SASH1: variants seen among roughly 807,000 people sequenced by gnomAD.
The protein encoded by SASH1 is SAM and SH3 domain-containing protein 1.
In SASH1, 44 loss-of-function variants were observed where a neutral mutation model predicts 125.2. The observed-to-expected ratio is 0.35, with a 90% CI of 0.28 to 0.45. The LOEUF (loss-of-function observed/expected upper bound fraction) is 0.45. Among genes scored for constraint, SASH1 ranks in the 20% least tolerant of loss-of-function variants. The pLI is 1.00. For synonymous variants in SASH1, 639 were observed against 649.1 expected (o/e 0.98, Z 0.24); for missense variants, 1,426 against 1,614.5 (o/e 0.88, Z 2.00).
intron 1 of SASH1, among the ~76,000 whole-genome samples, chr6:148,353,054 T>C (rs968555216): frequency 1.2e-4 from 19 of 152,118 alleles, no homozygotes; most frequent in African/African-American, 4.3e-4. Context: ...ATCTTTATTT[T>C]AATCTTTTTA....
chr6:148,549,401 A>ATGTG lies in SASH1; in HGVS notation c.*848_*851dup, dbSNP rs759515076. The ATGTG allele has an allele frequency of 5.2e-6, 2 of 386,036 alleles. No individual in the cohort carries two copies. Among genetic ancestry groups the ATGTG allele is most frequent in the Non-Finnish European group, 9.2e-6 (2 of 218,202 alleles). The allele number at this position is 386,036 out of a possible 1,614,324, so 23.9% of individuals were successfully genotyped here. On this transcript the variant is annotated 3_prime_UTR_variant, in exon 20 of 20. Transcript: ENST00000367467. ...AAGCTATCTGAAATTCACAAATATCATGTGTGTGCGTGCGTGCGTGCGCGT... is the reference window on the plus strand; with the variant it reads ...AAGCTATCTGAAATTCACAAATATCATGTGTGTGTGTGCGTGCGTGCGTGCGCGT...
At chr6:148,504,968 T>G (rs1459897004) in intron 8 of SASH1, among the ~76,000 whole-genome samples, 1 of 152,174 alleles carries the variant, frequency 6.6e-6, no homozygotes, top group African/African-American at 2.4e-5. Flanking sequence ...GGGGAAGTAC[T>G]GGGGATGTAT....
chr6:148,398,510 C>T (rs2114858823), intron 2 of SASH1, among the ~76,000 whole-genome samples: 1 of 152,270 alleles, frequency 6.6e-6, no homozygotes, highest in South Asian at 2.1e-4. Context: ...TCTACAAGGT[C>T]ACCATTGTTT....
chr6:148,404,965 T>C (rs949688106), intron 2 of SASH1, among the ~76,000 whole-genome samples: 10 of 151,712 alleles, frequency 6.6e-5, no homozygotes, highest in Admixed American at 5.9e-4. Context: ...GAAAAAATAA[T>C]AATGCAGTGT....
At chr6:148,223,842 C>T in the SASH1 span, among the ~76,000 whole-genome samples, 521 of 152,304 alleles carry the variant, frequency 3.4e-3, 4 homozygotes, top group African/African-American at 0.012. Context: ...ACCCACAAAA[C>T]ATTCTTGTTG....
chr6:148,378,648 G>A (rs900451098), intron 1 of SASH1, among the ~76,000 whole-genome samples: 1 of 152,190 alleles, frequency 6.6e-6, no homozygotes, highest in Non-Finnish European at 1.5e-5. Context: ...CACCGTGCCT[G>A]GTTGATAATT....
chr6:148,524,121 A>ATATATATATATATATATATAT (rs1193506716), intron 10 of SASH1, among the ~76,000 whole-genome samples: 7 of 128,606 alleles, frequency 5.4e-5, no homozygotes, highest in Non-Finnish European at 1.2e-4. Flanking sequence ...ATATATATAT[A>ATATATATATATATATATATAT]TTTTTTTTAA....
intron 4 of SASH1, among the ~76,000 whole-genome samples, chr6:148,451,634 AAAAG>A (rs1402776748): frequency 1.3e-5 from 2 of 152,296 alleles, no homozygotes; most frequent in Non-Finnish European, 2.9e-5. Context: ...CCAGTCTCTT[AAAAG>A]AAAGAAAGGA....
intron 2 of SASH1, among the ~76,000 whole-genome samples, chr6:148,436,531 A>G (rs886839976): frequency 6.6e-6 from 1 of 152,092 alleles, no homozygotes; most frequent in Non-Finnish European, 1.5e-5. Flanking sequence ...ATAAAAATTA[A>G]AAAAAACAAA....
At chr6:148,326,327 T>TATATATATATATATATGC (rs1780799952) in intron 1 of SASH1, among the ~76,000 whole-genome samples, 2 of 60,574 alleles carry the variant, frequency 3.3e-5, no homozygotes, top group Non-Finnish European at 6.2e-5. Context: ...CGCATGCATA[T>TATATATATATATATATGC]ATATATATAT....
intron 1 of SASH1, among the ~76,000 whole-genome samples, chr6:148,296,985 G>A (rs1277974651): frequency 6.6e-6 from 1 of 152,216 alleles, no homozygotes; most frequent in Non-Finnish European, 1.5e-5. Context: ...TCAGCATGAG[G>A]TTAACCTAAG....
chr6:148,327,939 T>TA (rs569288406), intron 1 of SASH1, among the ~76,000 whole-genome samples: 92 of 121,270 alleles, frequency 7.6e-4, no homozygotes, highest in South Asian at 1.1e-3. Flanking sequence ...AGACTCTGTC[T>TA]AAAAAAAAAA....
At chr6:148,454,564 G>T (rs539026798) in intron 4 of SASH1, among the ~76,000 whole-genome samples, 1 of 152,278 alleles carries the variant, frequency 6.6e-6, no homozygotes, top group South Asian at 2.1e-4. Context: ...TGGAAGAAAG[G>T]GTGTGCGAAA....
the SASH1 span, among the ~76,000 whole-genome samples, chr6:148,221,368 A>G: frequency 2.0e-5 from 3 of 152,230 alleles, no homozygotes; most frequent in Admixed American, 1.3e-4. Flanking sequence ...GAGCTTGCTT[A>G]GTACTGAATT....
At chr6:148,232,208 T>A in the SASH1 span, among the ~76,000 whole-genome samples, 1 of 152,162 alleles carries the variant, frequency 6.6e-6, no homozygotes, top group Non-Finnish European at 1.5e-5. Flanking sequence ...TGTCATTGAC[T>A]AAGAGTATGT....
At chr6:148,489,511 G>A (rs184093455) in intron 8 of SASH1, among the ~76,000 whole-genome samples, 28 of 152,112 alleles carry the variant, frequency 1.8e-4, no homozygotes, top group African/African-American at 2.9e-4. Flanking sequence ...AAAATATATC[G>A]TTGGGATATT....
At chr6:148,496,294 G>A (rs1345892765) in intron 8 of SASH1, among the ~76,000 whole-genome samples, 1 of 152,052 alleles carries the variant, frequency 6.6e-6, no homozygotes, top group African/African-American at 2.4e-5. Flanking sequence ...AATTTAAAAG[G>A]GTTCTAATTG....
chr6:148,313,053 A>G (rs1298134341), intron 1 of SASH1, among the ~76,000 whole-genome samples: 1 of 152,192 alleles, frequency 6.6e-6, no homozygotes. Flanking sequence ...CCAACAAAAA[A>G]GAAGTCTTAG....
At chr6:148,264,176 CGAA>C in the SASH1 span, among the ~76,000 whole-genome samples, 28 of 52,396 alleles carry the variant, frequency 5.3e-4, no homozygotes, top group African/African-American at 8.3e-4. Context: ...TTATTTTGAC[CGAA>C]AAAAAAAAAA....
Sources: gnomAD v4.1 joint callset for allele counts (sites outside exome capture counted in the v4.1 genomes callset) on GRCh38, gnomAD v4.1.1 for gene constraint, MANE v1.5 for transcripts, NCBI Gene and HGNC (gene_info 2026-07-23, HGNC 2026-07-21) for gene names.